CDH4: variants seen among roughly 807,000 people sequenced by gnomAD.
CDH4 encodes the protein cadherin 4.
A neutral mutation model predicts 86.0 loss-of-function variants in CDH4; 33 were observed. The ratio of observed to expected loss-of-function variants is 0.38; its 90% CI spans 0.29 to 0.51. The LOEUF (loss-of-function observed/expected upper bound fraction) is 0.51. Among genes scored for constraint, CDH4 ranks in the 20% least tolerant of loss-of-function variants. The pLI, the probability that CDH4 is intolerant of heterozygous loss-of-function variation, is 0.86. For synonymous variants in CDH4, 555 were observed against 549.4 expected (o/e 1.01, Z -0.14); for missense variants, 1,114 against 1,307.4 (o/e 0.85, Z 2.28).
chr20:61,401,663 G>A (rs187953000), intron 2 of CDH4, among the ~76,000 whole-genome samples: 16 of 152,292 alleles, frequency 1.1e-4, no homozygotes, highest in Admixed American at 1.0e-3. Flanking sequence ...CTCTTAGACT[G>A]CCAGCCTCTT....
At chr20:61,729,999 G>T (rs1246269666) in intron 2 of CDH4, among the ~76,000 whole-genome samples, 1 of 152,146 alleles carries the variant, frequency 6.6e-6, no homozygotes, top group African/African-American at 2.4e-5. Context: ...AATAGACTTT[G>T]GTTTTCAGAG....
intron 2 of CDH4, among the ~76,000 whole-genome samples, chr20:61,322,414 C>T (rs555158415): frequency 6.6e-6 from 1 of 152,294 alleles, no homozygotes; most frequent in South Asian, 2.1e-4. Context: ...GGAGACCTGG[C>T]TCCTGCAGTA....
chr20:61,357,852 A>G (rs2084760298), intron 2 of CDH4, among the ~76,000 whole-genome samples: 2 of 152,166 alleles, frequency 1.3e-5, no homozygotes, highest in African/African-American at 2.4e-5. Flanking sequence ...TGACTCTATG[A>G]TCCCCAAGGG....
chr20:61,282,557 G>C (rs868131627), intron 2 of CDH4, among the ~76,000 whole-genome samples: 1 of 151,406 alleles, frequency 6.6e-6, no homozygotes, highest in East Asian at 2.0e-4. Flanking sequence ...ATGTGTGTGT[G>C]TGTGTGTGTG....
intron 2 of CDH4, among the ~76,000 whole-genome samples, chr20:61,388,462 C>T (rs2084963986): frequency 6.6e-6 from 1 of 152,162 alleles, no homozygotes; most frequent in Non-Finnish European, 1.5e-5. Context: ...TACTTGGAAG[C>T]CTGAGCCCTC....
chr20:61,656,039 G>A (rs1413443974), intron 2 of CDH4, among the ~76,000 whole-genome samples: 1 of 152,234 alleles, frequency 6.6e-6, no homozygotes, highest in Non-Finnish European at 1.5e-5. Context: ...CACCCTGGAG[G>A]AGTGAGAGGG....
At chr20:61,819,398 CAT>C in intron 4 of CDH4, among the ~76,000 whole-genome samples, 3 of 151,066 alleles carry the variant, frequency 2.0e-5, no homozygotes. Context: ...GGGAGCGTTC[CAT>C]GCATTCGCTC....
intron 2 of CDH4, among the ~76,000 whole-genome samples, chr20:61,483,574 C>T (rs1470588811): frequency 2.0e-5 from 3 of 152,190 alleles, no homozygotes; most frequent in African/African-American, 7.2e-5. Flanking sequence ...GAGCTGAGGC[C>T]TGGATGCGCC....
intron 2 of CDH4, among the ~76,000 whole-genome samples, chr20:61,715,436 C>T (rs11905987): frequency 0.047 from 7,079 of 152,232 alleles, 509 homozygotes; most frequent in African/African-American, 0.15. Flanking sequence ...GTGGGCCCTC[C>T]TGCTTCCTCA....
intron 2 of CDH4, among the ~76,000 whole-genome samples, chr20:61,450,446 G>C (rs903929366): frequency 6.6e-6 from 1 of 152,144 alleles, no homozygotes; most frequent in African/African-American, 2.4e-5. Context: ...CTGAGATGCT[G>C]TGTGATTTGC....
chr20:61,492,091 A>G lies in CDH4; in HGVS notation c.169+237154A>G, dbSNP rs112148869. On this transcript the variant is annotated intron_variant, in intron 2 of 15. Coordinates refer to ENST00000614565, the MANE Select transcript of CDH4 (RefSeq NM_001794.5). ...GGTGTCAATATTGTTGATGGTGTTG[A>G]TGGTGGTGGTGTTGATGTTGGTGGT... Among the ~76,000 whole-genome samples the G allele has an allele frequency of 6.8e-3, 977 of 143,344 alleles. 9 individuals carry two copies. The highest frequency in any genetic ancestry group is 0.024 in the African/African-American group (937 of 38,964). The allele number at this position is 143,344 out of a possible 152,430, so 94.0% of individuals were successfully genotyped here.
intron 4 of CDH4, among the ~76,000 whole-genome samples, chr20:61,796,884 C>G (rs1269296174): frequency 1.3e-5 from 2 of 152,184 alleles, no homozygotes; most frequent in Non-Finnish European, 2.9e-5. Flanking sequence ...GGAAATCTCC[C>G]ACTCCATCGA....
rs1358442128 is a variant in CDH4, at chr20:61,709,785, G to A, written c.170-33778G>A. Among the ~76,000 whole-genome samples, 1 of 152,134 alleles carries A rather than the reference G, an allele frequency of 6.6e-6. No homozygotes were observed. The highest frequency in any genetic ancestry group is 1.9e-4 in the East Asian group (1 of 5,186). ...AAATAGCAGGATGGAGCGGGAGGTA[G>A]AGGTTCTTTCTTCTTGTTTTCCCAC... is the stretch of plus-strand genomic sequence containing the variant. On this transcript the variant is annotated intron_variant, in intron 2 of 15. Transcript: ENST00000614565. The surrounding 1 kb of genome is among the most constrained non-coding windows in gnomAD (Gnocchi z 4.8).
At chr20:61,390,574 C>CATGCGGTCATAGG (rs2084978104) in intron 2 of CDH4, among the ~76,000 whole-genome samples, 1 of 150,374 alleles carries the variant, frequency 6.7e-6, no homozygotes, top group Non-Finnish European at 1.5e-5. Context: ...CGATTGGGTT[C>CATGCGGTCATAGG]GTGCGGTCAT....
intron 2 of CDH4, among the ~76,000 whole-genome samples, chr20:61,523,200 C>T (rs2085885483): frequency 6.6e-6 from 1 of 152,220 alleles, no homozygotes; most frequent in Non-Finnish European, 1.5e-5. Flanking sequence ...GCCTCAGTTT[C>T]CTCATTGCTG....
chr20:61,895,070 G>A (rs769210187), intron 8 of CDH4, 23 bp downstream of exon 8: 2 of 1,611,678 alleles, frequency 1.2e-6, no homozygotes, highest in East Asian at 2.2e-5. Flanking sequence ...AAGCTGCCCA[G>A]TGACGCATGG....
chr20:61,384,392 A>C (rs1482769849), intron 2 of CDH4, among the ~76,000 whole-genome samples: 1 of 152,172 alleles, frequency 6.6e-6, no homozygotes, highest in Non-Finnish European at 1.5e-5. Flanking sequence ...GGGGGTGCTA[A>C]AGATCTGGCC....
chr20:61,364,627 G>T (rs773146918), intron 2 of CDH4, among the ~76,000 whole-genome samples: 2 of 152,200 alleles, frequency 1.3e-5, no homozygotes, highest in African/African-American at 2.4e-5. Flanking sequence ...AGACATCCTG[G>T]TGCACATGCT....
chr20:61,350,523 G>A (rs1301296507), intron 2 of CDH4, among the ~76,000 whole-genome samples: 1 of 133,148 alleles, frequency 7.5e-6, no homozygotes, highest in Non-Finnish European at 1.6e-5. Context: ...GCAGAGGCCA[G>A]CGGAACACCT....
Sources: gnomAD v4.1 joint callset for allele counts (sites outside exome capture counted in the v4.1 genomes callset) on GRCh38, gnomAD v4.1.1 for gene constraint, Gnocchi (gnomAD v3.1) non-coding constraint, MANE v1.5 for transcripts, NCBI Gene and HGNC (gene_info 2026-07-23, HGNC 2026-07-21) for gene names.